The following ADAM9 variants were observed in gnomAD, a reference collection of about 807,000 sequenced individuals.
ADAM9 encodes disintegrin and metalloproteinase domain-containing protein 9.
A neutral mutation model predicts 108.1 loss-of-function variants in ADAM9; 54 were observed. The ratio of observed to expected loss-of-function variants is 0.50; its 90% confidence interval spans 0.40 to 0.63. The LOEUF (loss-of-function observed/expected upper bound fraction) is 0.63, where lower values mean the gene tolerates loss of function less well. Ranked by LOEUF, ADAM9 falls within the 20% of genes least tolerant of loss-of-function variation. The pLI, the probability that ADAM9 is intolerant of heterozygous loss-of-function variation, is 0.00. For synonymous variants in ADAM9, 316 were observed against 336.0 expected (o/e 0.94, Z 0.65); for missense variants, 830 against 997.7 (o/e 0.83, Z 2.26).
rs373502025 is a variant in ADAM9 at position 39,025,914 on chromosome 8, T to C, written c.996+30T>C. 2.5e-6 allele frequency: 4 copies of C among 1,591,370 alleles called. No individual in the cohort carries two copies. In the Admixed American group the frequency reaches 5.0e-5, roughly 20 times the overall value. Reference sequence around the variant, plus strand: ...GTTGTTCTTGATGTTTAACTTTGGATGTTTGCACTGGGACAATATCAAGCA... The same window carrying C: ...GTTGTTCTTGATGTTTAACTTTGGACGTTTGCACTGGGACAATATCAAGCA... On this transcript the variant is annotated intron_variant, in intron 10 of 21. Transcript: ENST00000487273.
chr8:39,067,572 T>C (rs1433553526), intron 14 of ADAM9, among the ~76,000 whole-genome samples: 1 of 152,246 alleles, frequency 6.6e-6, no homozygotes, highest in Non-Finnish European at 1.5e-5. Context: ...TAAGAATGCT[T>C]GTGATTTTTG....
chr8:39,053,043 G>C (rs372844655), intron 12 of ADAM9, among the ~76,000 whole-genome samples: 19 of 152,098 alleles, frequency 1.2e-4, no homozygotes, highest in African/African-American at 4.1e-4. Context: ...AGTGTGAGGT[G>C]GTGCCTCATT....
chr8:39,076,229 G>A (rs1369371593), intron 15 of ADAM9: 1 of 152,168 alleles, frequency 6.6e-6, no homozygotes, highest in African/African-American at 2.4e-5. Context: ...TTAGGAGGGA[G>A]CGTCCTTGTT....
rs771050456 is a variant in ADAM9 at position 39,077,393 on chromosome 8, A to C, written c.1863A>C (p.Thr621=). 1.5e-5 allele frequency: 25 copies of C among 1,613,398 alleles called. No individual in the cohort carries two copies. The South Asian group carries it at 2.4e-4, about 16-fold the overall frequency. The change falls in exon 16 of 22, where the codon ACA becomes ACC. Residue 621 remains threonine (T), a synonymous_variant. Coordinates refer to ENST00000487273, the MANE Select transcript of ADAM9 (RefSeq NM_003816.3). ...VPDPGMVNEG[T]KCGAGKICRN... ...ATCCTGGGATGGTTAACGAAGGCAC[A>C]AAATGTGGTGCTGGAAAGGTAATCA... is the stretch of plus-strand genomic sequence containing the variant.
intron 12 of ADAM9, among the ~76,000 whole-genome samples, chr8:39,046,775 A>T (rs1017230479): frequency 4.0e-4 from 59 of 146,602 alleles, no homozygotes; most frequent in South Asian, 4.3e-4. Context: ...AATTAATTAA[A>T]TTTTTTTTTT....
At chr8:39,045,038 ATATGTATGTG>A (rs1294059258) in intron 12 of ADAM9, among the ~76,000 whole-genome samples, 4 of 63,696 alleles carry the variant, frequency 6.3e-5, no homozygotes, top group South Asian at 3.9e-4. Flanking sequence ...GCATACATAC[ATATGTATGTG>A]TATGTGTGTG....
chr8:39,069,783 T>C lies in ADAM9; in HGVS notation c.1592-1515T>C, dbSNP rs73602767. Among the ~76,000 whole-genome samples the C allele has an allele frequency of 4.6e-3, 707 of 152,276 alleles. 5 individuals are homozygous for C. Among genetic ancestry groups the C allele is most frequent in the African/African-American group, 0.016 (673 of 41,552 alleles). On this transcript the variant is annotated intron_variant, in intron 14 of 21. Coordinates refer to ENST00000487273, the MANE Select transcript of ADAM9 (RefSeq NM_003816.3). ...CATATTGAAATATTGAATATACAAA[T>C]AAGCAAAAGGTAGAAAATAAATATT...
chr8:38,997,090 G>A lies in ADAM9; in HGVS notation c.27G>A (p.Ser9=), dbSNP rs373033544. 3.1e-6 allele frequency: 5 copies of A among 1,607,338 alleles called. No homozygotes were observed. The African/African-American group carries it at 4.0e-5, about 13-fold the overall frequency. Residue 9 remains serine, a synonymous_variant, in exon 1 of 22, where the codon TCG becomes TCA. Coordinates refer to ENST00000487273, the MANE Select transcript of ADAM9 (RefSeq NM_003816.3). ...TGGGGTCTGGCGCGCGCTTTCCCTCGGGGACCCTTCGTGTCCGGTGGTTGC... is the reference window on the plus strand; with the variant it reads ...TGGGGTCTGGCGCGCGCTTTCCCTCAGGGACCCTTCGTGTCCGGTGGTTGC... MGSGARFP[S]GTLRVRWLLL...
intron 14 of ADAM9, among the ~76,000 whole-genome samples, chr8:39,068,473 G>A (rs182539472): frequency 5.2e-4 from 79 of 151,738 alleles, no homozygotes; most frequent in Non-Finnish European, 2.9e-5. Context: ...TCAGGAGTTC[G>A]AGACCAGCCT....
intron 20 of ADAM9, among the ~76,000 whole-genome samples, chr8:39,099,854 A>T (rs1839627547): frequency 7.0e-6 from 1 of 142,928 alleles, no homozygotes; most frequent in Admixed American, 7.1e-5. Flanking sequence ...ATAATTGTGT[A>T]TATTTTGGGG....
chr8:39,045,332 G>GGTGTGTGTACA lies in ADAM9; in HGVS notation c.1302+3215_1302+3216insGTGTGTGTACA, dbSNP rs1837676495. On this transcript the variant is annotated intron_variant, in intron 12 of 21. Coordinates refer to ENST00000487273, the MANE Select transcript of ADAM9 (RefSeq NM_003816.3). ...TGTGTGTACACCTATACATGTGTGT[G>GGTGTGTGTACA]TACACCTATACATGTGTGTACATAC... Among the ~76,000 whole-genome samples the GGTGTGTGTACA allele has an allele frequency of 4.4e-4, 50 of 114,154 alleles. 12 individuals carry two copies. The highest frequency in any genetic ancestry group is 1.7e-3 in the African/African-American group (48 of 28,910). The allele number at this position is 114,154 out of a possible 152,430, so 74.9% of individuals were successfully genotyped here.
intron 1 of ADAM9, among the ~76,000 whole-genome samples, chr8:38,998,203 C>CT (rs1311483866): frequency 1.3e-5 from 2 of 152,132 alleles, no homozygotes; most frequent in Non-Finnish European, 2.9e-5. Flanking sequence ...TTTTTCTTAT[C>CT]TTTGGCTGCT....
At chr8:39,065,330 C>A (rs555982088) in intron 14 of ADAM9, among the ~76,000 whole-genome samples, 1 of 151,460 alleles carries the variant, frequency 6.6e-6, no homozygotes, top group Non-Finnish European at 1.5e-5. Flanking sequence ...TTTATATTCT[C>A]TGAGTTTTTT....
chr8:39,035,536 A>G (rs967628806), intron 11 of ADAM9, among the ~76,000 whole-genome samples: 12 of 152,280 alleles, frequency 7.9e-5, no homozygotes, highest in South Asian at 6.2e-4. Flanking sequence ...AATAATTTCT[A>G]GACCGGGTGC....
chr8:39,037,147 C>T (rs1304982682), intron 11 of ADAM9, among the ~76,000 whole-genome samples: 1 of 147,726 alleles, frequency 6.8e-6, no homozygotes, highest in East Asian at 2.0e-4. Context: ...AGCTCTGCCT[C>T]CCGGGTTCAC....
intron 6 of ADAM9, chr8:39,018,614 T>G: frequency 1.9e-6 from 1 of 533,112 alleles, no homozygotes; most frequent in Non-Finnish European, 3.3e-6. Context: ...AAACATTTTT[T>G]TCCCCTCAGA....
At chr8:39,050,944 GGT>G (rs1392089603) in intron 12 of ADAM9, among the ~76,000 whole-genome samples, 7 of 151,484 alleles carry the variant, frequency 4.6e-5, no homozygotes, top group African/African-American at 1.7e-4. Flanking sequence ...AGCCTTCAGG[GGT>G]CTAGCACATA....
At chr8:39,010,016 A>G (rs150776881) in intron 2 of ADAM9, among the ~76,000 whole-genome samples, 172 of 144,530 alleles carry the variant, frequency 1.2e-3, no homozygotes, top group African/African-American at 4.2e-3. Flanking sequence ...GATAAGTGCT[A>G]TGGAGAAAAT....
chr8:39,070,712 C>T (rs546402778), intron 14 of ADAM9, among the ~76,000 whole-genome samples: 12 of 149,112 alleles, frequency 8.0e-5, no homozygotes, highest in East Asian at 3.9e-4. Flanking sequence ...AAGCTATGAA[C>T]GTGCCACTGC....
Sources: gnomAD v4.1 joint callset for allele counts (sites outside exome capture counted in the v4.1 genomes callset) on GRCh38, gnomAD v4.1.1 for gene constraint, MANE v1.5 for transcripts, NCBI Gene and HGNC (gene_info 2026-07-23, HGNC 2026-07-21) for gene names.